The following XKR4 variants were observed in gnomAD, a reference collection of about 807,000 sequenced individuals.
The protein encoded by XKR4 is XK-related protein 4.
XKR4 carries 12 observed loss-of-function variants against 53.9 expected under a neutral mutation model. The ratio of observed to expected loss-of-function variants is 0.22; its 90% confidence interval spans 0.14 to 0.36. The LOEUF is 0.36. Among genes scored for constraint, XKR4 ranks in the 10% least tolerant of loss-of-function variants. XKR4 has a pLI of 1.00. For missense variants in XKR4, 799 were observed against 859.5 expected, an observed-to-expected ratio of 0.93 and a Z score of 0.88; for synonymous variants, 354 against 362.4, an observed-to-expected ratio of 0.98 and a Z score of 0.26.
chr8:55,488,937 C>CA (rs1178202704), intron 2 of XKR4, among the ~76,000 whole-genome samples: 286 of 906 alleles, frequency 0.32, 109 homozygotes, highest in African/African-American at 0.47. Flanking sequence ...GACTCCGTTT[C>CA]AAAAAAAAAA....
rs538815569 is a variant in XKR4 at position 55,331,448 on chromosome 8, T to C, written c.807-26230T>C. Among the ~76,000 whole-genome samples the C allele has an allele frequency of 5.3e-5, 8 of 152,326 alleles. No homozygotes were observed. The South Asian group carries it at 1.7e-3, about 32-fold the overall frequency. ...TCTACCGTTGTTGGGTGGAGTTCAATAGATGTATTTCAGTCTAATTGGGCA... is the reference window on the plus strand; with the variant it reads ...TCTACCGTTGTTGGGTGGAGTTCAACAGATGTATTTCAGTCTAATTGGGCA... On this transcript the variant is annotated intron_variant, in intron 1 of 2. Transcript: ENST00000327381.
intron 2 of XKR4, chr8:55,451,750 C>A: frequency 1.8e-6 from 2 of 1,140,866 alleles, no homozygotes; most frequent in Admixed American, 1.8e-5. Context: ...AGACTTGGCC[C>A]GGCTCAGGCG....
chr8:55,297,494 G>C (rs1386411367), intron 1 of XKR4, among the ~76,000 whole-genome samples: 1 of 152,064 alleles, frequency 6.6e-6, no homozygotes, highest in Non-Finnish European at 1.5e-5. Flanking sequence ...CTAGAATTTA[G>C]GATTTTTGAG....
At chr8:55,514,343 G>A (rs916710747) in intron 2 of XKR4, among the ~76,000 whole-genome samples, 3 of 142,320 alleles carry the variant, frequency 2.1e-5, no homozygotes, top group Non-Finnish European at 3.0e-5. Flanking sequence ...TGCAACCTCC[G>A]CCTCCTAGGT....
chr8:55,327,676 G>A (rs1044436596), intron 1 of XKR4, among the ~76,000 whole-genome samples: 1 of 152,156 alleles, frequency 6.6e-6, no homozygotes, highest in Non-Finnish European at 1.5e-5. Flanking sequence ...TATAAGTATA[G>A]CATGTCTTTT....
intron 1 of XKR4, among the ~76,000 whole-genome samples, chr8:55,117,396 A>G (rs1422213771): frequency 1.3e-5 from 2 of 152,206 alleles, no homozygotes; most frequent in Non-Finnish European, 2.9e-5. Flanking sequence ...CAAAATCCCT[A>G]ATATGAGTAA....
chr8:55,446,349 C>CTT (rs200382007), intron 2 of XKR4, among the ~76,000 whole-genome samples: 79 of 148,972 alleles, frequency 5.3e-4, no homozygotes, highest in African/African-American at 1.9e-3. Context: ...TGACTGATTT[C>CTT]TTTTTTTTTT....
chr8:55,464,406 G>A (rs1012242256), intron 2 of XKR4, among the ~76,000 whole-genome samples: 6 of 152,066 alleles, frequency 3.9e-5, no homozygotes, highest in African/African-American at 7.3e-5. Context: ...TGCAGAAAAC[G>A]CCTTTCACAA....
At chr8:55,300,927 A>G (rs546004400) in intron 1 of XKR4, among the ~76,000 whole-genome samples, 1 of 152,302 alleles carries the variant, frequency 6.6e-6, no homozygotes, top group South Asian at 2.1e-4. Context: ...TTTAAGAATA[A>G]TAGTGATGAA....
intron 1 of XKR4, among the ~76,000 whole-genome samples, chr8:55,118,947 A>AT (rs1816350509): frequency 6.6e-6 from 1 of 151,830 alleles, no homozygotes; most frequent in Non-Finnish European, 1.5e-5. Context: ...AATCTATAGC[A>AT]CTTTTTTTTC....
chr8:55,461,398 C>T lies in XKR4; in HGVS notation c.1007-61883C>T, dbSNP rs377081559. Among the ~76,000 whole-genome samples, 154 of 152,324 alleles carry T rather than the reference C, an allele frequency of 1.0e-3. 3 individuals carry two copies. The South Asian group carries it at 0.031, about 31-fold the overall frequency. ...TGGACCTCCAGTAAACTGCAACAGA[C>T]CTGCAGCTGAGGGTCCTGACTGTTA... On this transcript the variant is annotated intron_variant, in intron 2 of 2. Transcript: ENST00000327381.
At chr8:55,315,386 T>C (rs1819458385) in intron 1 of XKR4, among the ~76,000 whole-genome samples, 1 of 152,202 alleles carries the variant, frequency 6.6e-6, no homozygotes, top group East Asian at 1.9e-4. Context: ...TTCTTATTAA[T>C]ATTGCAAAAT....
At chr8:55,394,228 C>T (rs1480441973) in intron 2 of XKR4, among the ~76,000 whole-genome samples, 4 of 152,104 alleles carry the variant, frequency 2.6e-5, no homozygotes, top group Non-Finnish European at 5.9e-5. Flanking sequence ...ATTAGTTATG[C>T]GCTATCGATA....
chr8:55,187,388 A>G (rs1356506414), intron 1 of XKR4, among the ~76,000 whole-genome samples: 2 of 152,052 alleles, frequency 1.3e-5, no homozygotes, highest in African/African-American at 4.8e-5. Context: ...ACATAGATAC[A>G]CTAAAAAGTG....
chr8:55,494,394 A>G (rs1806312543), intron 2 of XKR4, among the ~76,000 whole-genome samples: 1 of 152,182 alleles, frequency 6.6e-6, no homozygotes, highest in Non-Finnish European at 1.5e-5. Flanking sequence ...TTCACCCACA[A>G]CATGGCAAGC....
intron 2 of XKR4, among the ~76,000 whole-genome samples, chr8:55,448,544 G>T (rs1805377394): frequency 6.6e-6 from 1 of 152,238 alleles, no homozygotes; most frequent in South Asian, 2.1e-4. Flanking sequence ...GGAAAATGTG[G>T]TTTGGGGAAG....
intron 2 of XKR4, among the ~76,000 whole-genome samples, chr8:55,476,102 T>G (rs1257212213): frequency 6.6e-6 from 1 of 151,982 alleles, no homozygotes; most frequent in African/African-American, 2.4e-5. Context: ...CATGCTGATA[T>G]CGGGATCACT....
At chr8:55,493,941 G>A (rs1299105217) in intron 2 of XKR4, among the ~76,000 whole-genome samples, 1 of 152,190 alleles carries the variant, frequency 6.6e-6, no homozygotes, top group African/African-American at 2.4e-5. Flanking sequence ...GATTTTTGGG[G>A]TGTCACTTCA....
At chr8:55,467,800 A>G (rs1227498628) in intron 2 of XKR4, among the ~76,000 whole-genome samples, 1 of 152,174 alleles carries the variant, frequency 6.6e-6, no homozygotes, top group Non-Finnish European at 1.5e-5. Context: ...TCTTTTGCAA[A>G]TGACCAGTCC....
Sources: allele counts gnomAD v4.1 joint callset (sites outside exome capture counted in the v4.1 genomes callset), GRCh38; gene constraint gnomAD v4.1.1; transcripts MANE v1.5; gene names NCBI Gene and HGNC (gene_info 2026-07-23, HGNC 2026-07-21).